The following GPC5 variants were observed in gnomAD, a reference collection of about 807,000 sequenced individuals.
The protein encoded by GPC5 is glypican-5.
Under a neutral mutation model 53.9 loss-of-function variants are expected in GPC5, and 47 were observed. That is an observed-to-expected ratio of 0.87 (90% CI 0.69 to 1.11). The LOEUF (loss-of-function observed/expected upper bound fraction) is 1.11, where lower values mean the gene tolerates loss of function less well. Among genes scored for constraint, GPC5 ranks in the 50% most tolerant of loss-of-function variants. The pLI is 0.00. For missense variants in GPC5, 748 were observed against 713.1 expected, an observed-to-expected ratio of 1.05 and a Z score of -0.56; for synonymous variants, 286 against 263.3, an observed-to-expected ratio of 1.09 and a Z score of -0.84.
At chr13:91,757,546 T>A (rs2037321714) in intron 5 of GPC5, among the ~76,000 whole-genome samples, 1 of 152,108 alleles carries the variant, frequency 6.6e-6, no homozygotes, top group African/African-American at 2.4e-5. Flanking sequence ...AGTGAGTTAA[T>A]TCTCCCGAGA....
intron 2 of GPC5, among the ~76,000 whole-genome samples, chr13:91,537,716 G>T (rs183003801): frequency 6.8e-4 from 103 of 152,262 alleles, no homozygotes; most frequent in Admixed American, 5.6e-3. Context: ...CCCATTAAAA[G>T]AAATGAAAAC....
At chr13:92,240,696 G>T (rs760029396) in intron 7 of GPC5, 1 of 152,148 alleles carries the variant, frequency 6.6e-6, no homozygotes, top group Non-Finnish European at 1.5e-5. Context: ...GTGGAGACAG[G>T]TTTCACCATG....
chr13:92,823,528 A>T (rs1390612586), intron 7 of GPC5, among the ~76,000 whole-genome samples: 1 of 152,134 alleles, frequency 6.6e-6, no homozygotes, highest in Non-Finnish European at 1.5e-5. Flanking sequence ...TACCATGTTC[A>T]TTATATCTGT....
At chr13:92,739,727 A>AAGAG (rs142048278) in intron 7 of GPC5, among the ~76,000 whole-genome samples, 1 of 148,094 alleles carries the variant, frequency 6.8e-6, no homozygotes, top group East Asian at 2.1e-4. Context: ...AAGAAAAAAA[A>AAGAG]AGAGAGAGAG....
At chr13:92,200,463 C>A (rs1042744368) in intron 7 of GPC5, among the ~76,000 whole-genome samples, 1 of 152,178 alleles carries the variant, frequency 6.6e-6, no homozygotes, top group African/African-American at 2.4e-5. Context: ...TTAAGCAAAA[C>A]AGGTAATTAT....
At chr13:92,103,320 G>C (rs995033929) in intron 6 of GPC5, among the ~76,000 whole-genome samples, 5 of 152,038 alleles carry the variant, frequency 3.3e-5, no homozygotes, top group Admixed American at 3.3e-4. Flanking sequence ...TCAAAATTAT[G>C]TTATTTTAGC....
intron 7 of GPC5, among the ~76,000 whole-genome samples, chr13:92,426,047 TACA>T: frequency 6.6e-6 from 1 of 152,220 alleles, no homozygotes; most frequent in South Asian, 2.1e-4. Context: ...GTTAAAACAA[TACA>T]ACACCGAACA....
At chr13:92,425,352 C>T (rs988346363) in intron 7 of GPC5, among the ~76,000 whole-genome samples, 13 of 152,020 alleles carry the variant, frequency 8.6e-5, no homozygotes, top group Non-Finnish European at 1.6e-4. Context: ...TACCCTCTCC[C>T]ACCTCTACCC....
intron 5 of GPC5, among the ~76,000 whole-genome samples, chr13:91,764,684 T>C (rs1311556624): frequency 2.0e-5 from 3 of 152,136 alleles, no homozygotes; most frequent in African/African-American, 7.2e-5. Flanking sequence ...GAGTCCCTAG[T>C]AGGGTGTGTA....
chr13:92,601,362 C>T (rs778218114), intron 7 of GPC5, among the ~76,000 whole-genome samples: 11 of 151,838 alleles, frequency 7.2e-5, no homozygotes, highest in Non-Finnish European at 1.2e-4. Flanking sequence ...TTAAGACCAG[C>T]CTGGCCAACA....
intron 2 of GPC5, among the ~76,000 whole-genome samples, chr13:91,525,148 G>T (rs1307290591): frequency 6.6e-6 from 1 of 152,050 alleles, no homozygotes; most frequent in Admixed American, 6.6e-5. Context: ...AACGAACTAT[G>T]TATTTTTCAC....
intron 7 of GPC5, among the ~76,000 whole-genome samples, chr13:92,330,839 T>G (rs1399897414): frequency 6.6e-6 from 1 of 152,168 alleles, no homozygotes; most frequent in Non-Finnish European, 1.5e-5. Flanking sequence ...CAACAATGGC[T>G]GACCAGCACA....
chr13:91,587,326 G>T (rs1337111123), intron 2 of GPC5, among the ~76,000 whole-genome samples: 1 of 151,978 alleles, frequency 6.6e-6, no homozygotes, highest in Admixed American at 6.6e-5. Context: ...ATGTCTCTTT[G>T]CAAACAGTAG....
intron 7 of GPC5, among the ~76,000 whole-genome samples, chr13:92,684,485 G>A (rs1887199696): frequency 1.3e-5 from 2 of 151,956 alleles, no homozygotes; most frequent in South Asian, 4.1e-4. Context: ...TGGCCAGGCA[G>A]GTCTCGAACT....
At chr13:92,325,103 G>GACACAC (rs140189672) in intron 7 of GPC5, among the ~76,000 whole-genome samples, 28,454 of 146,276 alleles carry the variant, frequency 0.19, 3,146 homozygotes, top group East Asian at 0.32. Context: ...AATAACTTCT[G>GACACAC]ACACACACAC....
chr13:92,785,525 G>A (rs1245419618), intron 7 of GPC5, among the ~76,000 whole-genome samples: 1 of 152,130 alleles, frequency 6.6e-6, no homozygotes, highest in Non-Finnish European at 1.5e-5. Flanking sequence ...CAGCATCAAT[G>A]CAATTGAGAC....
At chr13:92,606,408 G>A (rs904314533) in intron 7 of GPC5, among the ~76,000 whole-genome samples, 9 of 152,136 alleles carry the variant, frequency 5.9e-5, no homozygotes, top group African/African-American at 2.2e-4. Context: ...CCCTACAAAG[G>A]ACATGAACTC....
At chr13:92,748,783 T>C (rs1889307012) in intron 7 of GPC5, among the ~76,000 whole-genome samples, 3 of 152,184 alleles carry the variant, frequency 2.0e-5, no homozygotes, top group Admixed American at 2.0e-4. Flanking sequence ...TTTTTCTGCA[T>C]TACATTTATA....
At chr13:92,315,739 T>C (rs1005279012) in intron 7 of GPC5, among the ~76,000 whole-genome samples, 1 of 152,156 alleles carries the variant, frequency 6.6e-6, no homozygotes, top group African/African-American at 2.4e-5. Flanking sequence ...ATTGGAAAAA[T>C]AATTAGTAAA....
Sources: gnomAD v4.1 joint callset for allele counts (sites outside exome capture counted in the v4.1 genomes callset) on GRCh38, gnomAD v4.1.1 for gene constraint, MANE v1.5 for transcripts, NCBI Gene and HGNC (gene_info 2026-07-23, HGNC 2026-07-21) for gene names.